The following RGS7 variants were observed in gnomAD, a reference collection of about 807,000 sequenced individuals.
The protein encoded by RGS7 is regulator of G protein signaling 7, also known as regulator of G-protein signaling 7.
Under a neutral mutation model 81.1 loss-of-function variants are expected in RGS7, and 27 were observed. The observed-to-expected ratio is 0.33, with a 90% CI of 0.25 to 0.46. The LOEUF is 0.46. Among genes scored for constraint, RGS7 ranks in the 20% least tolerant of loss-of-function variants. The pLI is 1.00. For missense variants in RGS7, 396 were observed against 607.4 expected, an observed-to-expected ratio of 0.65 and a Z score of 3.66; for synonymous variants, 208 against 207.7, an observed-to-expected ratio of 1.00 and a Z score of -0.01.
At chr1:240,807,161 G>A (rs948387915) in intron 14 of RGS7, among the ~76,000 whole-genome samples, 3 of 152,150 alleles carry the variant, frequency 2.0e-5, no homozygotes, top group Non-Finnish European at 4.4e-5. Context: ...ATAGCAAGTG[G>A]TAAAGTCTAG....
chr1:240,935,868 C>T (rs1020842575), intron 5 of RGS7, among the ~76,000 whole-genome samples: 1 of 152,188 alleles, frequency 6.6e-6, no homozygotes, highest in African/African-American at 2.4e-5. Flanking sequence ...TAGAGTTTGA[C>T]ATCCAGCATT....
chr1:241,048,679 T>C (rs2061081774), intron 3 of RGS7, among the ~76,000 whole-genome samples: 1 of 152,256 alleles, frequency 6.6e-6, no homozygotes, highest in African/African-American at 2.4e-5. Flanking sequence ...CTGAGGTTCC[T>C]CTGTGCCTCC....
chr1:241,300,802 T>C (rs940242469), intron 2 of RGS7, among the ~76,000 whole-genome samples: 4 of 152,222 alleles, frequency 2.6e-5, no homozygotes, highest in African/African-American at 9.6e-5. Context: ...GACTGTACAG[T>C]AAGAGTATGT....
At chr1:240,883,292 G>A (rs537833090) in intron 6 of RGS7, among the ~76,000 whole-genome samples, 11 of 152,006 alleles carry the variant, frequency 7.2e-5, no homozygotes, top group Admixed American at 2.0e-4. Flanking sequence ...TAACAAACCT[G>A]TACGTTGTGC....
At chr1:240,790,222 ACT>A (rs1375311097) in intron 18 of RGS7, among the ~76,000 whole-genome samples, 4 of 152,272 alleles carry the variant, frequency 2.6e-5, no homozygotes, top group African/African-American at 9.6e-5. Context: ...ACAGACTGAG[ACT>A]CTGTCTCAAA....
At chr1:240,800,013 A>C (rs1282073674) in intron 18 of RGS7, among the ~76,000 whole-genome samples, 2 of 152,218 alleles carry the variant, frequency 1.3e-5, no homozygotes, top group Non-Finnish European at 2.9e-5. Context: ...ACTATTTTAA[A>C]TTATATCACA....
At chr1:241,118,921 T>C (rs933935317) in intron 2 of RGS7, among the ~76,000 whole-genome samples, 1 of 151,972 alleles carries the variant, frequency 6.6e-6, no homozygotes, top group African/African-American at 2.4e-5. Flanking sequence ...GGTTGAAAAA[T>C]TACCAGTTGA....
In RGS7 at chr1:241,164,868, C is replaced by G. The variant is rs1211725482; in HGVS notation, c.79-66106G>C. Among the ~76,000 whole-genome samples, 3 of 152,138 alleles carry G rather than the reference C, an allele frequency of 2.0e-5. No homozygotes were observed. Among genetic ancestry groups the G allele is most frequent in the African/African-American group, 7.2e-5 (3 of 41,420 alleles). On this transcript the variant is annotated intron_variant, in intron 2 of 18. Coordinates refer to ENST00000440928, the MANE Select transcript of RGS7 (RefSeq NM_001364886.1). This position sits in a 1 kb window ranked among gnomAD's most constrained non-coding sequence, Gnocchi z 4.1. ...TTTAGGGAACTATTCTCAGAATTGC[C>G]CATAGGTCTTATATAATCTGAACAT...
intron 2 of RGS7, among the ~76,000 whole-genome samples, chr1:241,346,336 C>A (rs928772477): frequency 6.6e-6 from 1 of 152,178 alleles, no homozygotes; most frequent in Admixed American, 6.5e-5. Context: ...GACCTATCTG[C>A]ACTGTCCAAA....
intron 2 of RGS7, among the ~76,000 whole-genome samples, chr1:241,171,902 A>G (rs1475191687): frequency 6.6e-6 from 1 of 152,260 alleles, no homozygotes; most frequent in Non-Finnish European, 1.5e-5. Context: ...GTGGAGAAAC[A>G]AAAGGACTGA....
chr1:240,801,538 G>A, intron 16 of RGS7, 30 bp from the exon 17 acceptor site: 1 of 1,412,876 alleles, frequency 7.1e-7, no homozygotes, highest in African/African-American at 1.4e-5. Context: ...ATAGGATGAA[G>A]GGAAATAAGG....
At chr1:240,946,394 G>A (rs1188121234) in intron 4 of RGS7, among the ~76,000 whole-genome samples, 1 of 152,090 alleles carries the variant, frequency 6.6e-6, no homozygotes, top group African/African-American at 2.4e-5. Flanking sequence ...CTTGAGACTA[G>A]GAGTTCGAGA....
At chr1:240,884,178 A>T (rs1166121107) in intron 6 of RGS7, among the ~76,000 whole-genome samples, 2 of 151,876 alleles carry the variant, frequency 1.3e-5, no homozygotes, top group Non-Finnish European at 2.9e-5. Flanking sequence ...CTTACGGAAA[A>T]ATTAACGTGT....
Position 241,068,257 on chromosome 1 carries a change from T to TATATATATATATATATATAAAA in RGS7, c.175+30408_175+30409insTTTTATATATATATATATATAT, listed in dbSNP as rs1433690559. Reference sequence around the variant, plus strand: ...GTGTGTGTATATATATATATATATATAAAATATTGTGTATATATAATATTA... The same window carrying TATATATATATATATATATAAAA: ...GTGTGTGTATATATATATATATATATATATATATATATATATATAAAAAAAATATTGTGTATATATAATATTA... On this transcript the variant is annotated intron_variant, in intron 3 of 18. Transcript: ENST00000440928. 6.1e-4 allele frequency among the ~76,000 whole-genome samples: 45 copies of TATATATATATATATATATAAAA among 73,234 alleles called. 1 individual carries two copies. The highest frequency in any genetic ancestry group is 1.9e-3 in the Admixed American group (10 of 5,264). 48.0% of individuals were successfully genotyped at this position (73,234 alleles called of 152,430 possible).
At chr1:241,172,223 C>T (rs1349200243) in intron 2 of RGS7, among the ~76,000 whole-genome samples, 2 of 145,624 alleles carry the variant, frequency 1.4e-5, no homozygotes, top group Non-Finnish European at 3.0e-5. Context: ...CCAAGTTATT[C>T]TTTTTTTAAA....
chr1:241,322,365 C>T (rs566300546), intron 2 of RGS7, among the ~76,000 whole-genome samples: 7 of 152,288 alleles, frequency 4.6e-5, no homozygotes, highest in African/African-American at 1.2e-4. Context: ...TCACACATAT[C>T]GACTACCATT....
At chr1:241,289,838 T>G (rs1374513358) in intron 2 of RGS7, among the ~76,000 whole-genome samples, 5 of 152,068 alleles carry the variant, frequency 3.3e-5, no homozygotes, top group Admixed American at 3.3e-4. Context: ...GACTGCCTGC[T>G]GCTACCTGAG....
intron 6 of RGS7, among the ~76,000 whole-genome samples, chr1:240,882,964 T>A (rs1256196832): frequency 6.6e-6 from 1 of 152,202 alleles, no homozygotes; most frequent in Non-Finnish European, 1.5e-5. Context: ...ATTGTTCAAT[T>A]CCCACCTATG....
chr1:241,315,782 T>G (rs2080835043), intron 2 of RGS7, among the ~76,000 whole-genome samples: 1 of 152,230 alleles, frequency 6.6e-6, no homozygotes, highest in Admixed American at 6.5e-5. Flanking sequence ...TTTCTGATCT[T>G]AGAGAAAAAG....
Sources: allele counts gnomAD v4.1 joint callset (sites outside exome capture counted in the v4.1 genomes callset), GRCh38; gene constraint gnomAD v4.1.1; non-coding constraint Gnocchi (gnomAD v3.1); transcripts MANE v1.5; gene names NCBI Gene and HGNC (gene_info 2026-07-23, HGNC 2026-07-21).